The following PREX1 variants were observed in gnomAD, a reference collection of about 807,000 sequenced individuals.
PREX1 encodes phosphatidylinositol-3,4,5-trisphosphate dependent Rac exchange factor 1.
A neutral mutation model predicts 198.3 loss-of-function variants in PREX1; 41 were observed. That is an observed-to-expected ratio of 0.21 (90% CI 0.16 to 0.27). PREX1 has a LOEUF of 0.27. Among genes scored for constraint, PREX1 ranks in the 10% least tolerant of loss-of-function variants. The pLI, the probability that PREX1 is intolerant of heterozygous loss-of-function variation, is 1.00. For missense variants in PREX1, 1,620 were observed against 2,200.7 expected (o/e 0.74, Z 5.28); for synonymous variants, 843 against 887.2 (o/e 0.95, Z 0.89).
intron 1 of PREX1, among the ~76,000 whole-genome samples, chr20:48,804,841 A>C (rs1279966868): frequency 6.6e-6 from 1 of 152,286 alleles, no homozygotes; most frequent in South Asian, 2.1e-4. Flanking sequence ...AGTGGCGTCA[A>C]GATGGCCCAA....
Position 48,632,283 on chromosome 20 carries a change from T to C in PREX1, c.4520A>G (p.Lys1507Arg), listed in dbSNP as rs1451126448. The C allele has an allele frequency of 1.2e-6, 2 of 1,614,020 alleles. No individual in the cohort carries two copies. Among genetic ancestry groups the C allele is most frequent in the South Asian group, 1.1e-5 (1 of 91,088 alleles). Residue 1507 changes from lysine to arginine, a missense_variant, in exon 35 of 40, where the codon AAA (lysine) becomes AGA (arginine). Transcript: ENST00000371941. ...GGGGACCCCAGGCGGATACCTGAGT[T>C]TGCGGTAATACTGCTGAACTTTCTC... ...SLEKVQQYYR[K>R]LRAFYLERSN...
chr20:48,736,497 AAGG>A (rs1366058599), intron 3 of PREX1, among the ~76,000 whole-genome samples: 1 of 152,210 alleles, frequency 6.6e-6, no homozygotes. Context: ...CATGGCAAGG[AAGG>A]AGAAGAGGGG....
At chr20:48,862,788 AAAATAT>A in the PREX1 span, among the ~76,000 whole-genome samples, 5 of 49,820 alleles carry the variant, frequency 1.0e-4, 1 homozygote, top group African/African-American at 4.8e-4. Context: ...CCTAAAAAAA[AAAATAT>A]ATATATATAT....
chr20:48,812,434 T>A (rs937881196), intron 1 of PREX1, among the ~76,000 whole-genome samples: 2 of 149,620 alleles, frequency 1.3e-5, no homozygotes, highest in Admixed American at 6.6e-5. Flanking sequence ...AATGGGTAAA[T>A]AATGTAAGAG....
chr20:48,628,507 G>A (rs928118928), intron 37 of PREX1, among the ~76,000 whole-genome samples: 3 of 152,304 alleles, frequency 2.0e-5, no homozygotes, highest in East Asian at 1.9e-4. Flanking sequence ...GCATGGTGGT[G>A]CACAGAGGAC....
intron 32 of PREX1, among the ~76,000 whole-genome samples, chr20:48,635,923 G>A (rs763980335): frequency 1.3e-5 from 2 of 152,222 alleles, no homozygotes; most frequent in Non-Finnish European, 2.9e-5. Context: ...AGAATCAAGT[G>A]ATGGCCAATC....
At chr20:48,668,009 G>GGCCT (rs2089650867) in intron 14 of PREX1, among the ~76,000 whole-genome samples, 2 of 152,332 alleles carry the variant, frequency 1.3e-5, no homozygotes, top group South Asian at 4.1e-4. Flanking sequence ...AGGCCTCCTA[G>GGCCT]GCCTGCCCTG....
At chr20:48,698,125 C>T (rs752461219) in intron 7 of PREX1, among the ~76,000 whole-genome samples, 6 of 152,216 alleles carry the variant, frequency 3.9e-5, no homozygotes, top group Admixed American at 1.3e-4. Context: ...GAGACACATG[C>T]GCCCTTTCCC....
chr20:48,886,131 G>A, the PREX1 span, among the ~76,000 whole-genome samples: 1 of 152,198 alleles, frequency 6.6e-6, no homozygotes, highest in Non-Finnish European at 1.5e-5. Flanking sequence ...TTGTGGTGCA[G>A]GATGTCAGTA....
intron 15 of PREX1, among the ~76,000 whole-genome samples, chr20:48,660,933 C>T (rs2089585797): frequency 6.6e-6 from 1 of 152,092 alleles, no homozygotes; most frequent in South Asian, 2.1e-4. Flanking sequence ...AAACTCAGTC[C>T]CCGCAGGCCA....
chr20:48,644,647 G>A lies in PREX1; in HGVS notation c.3513-150C>T. ...GAGAGGGCACCGAGCACCGGTCCTG[G>A]GTCCCAAAGGCAGGGAAGGCCGGCC... On this transcript the variant is annotated intron_variant, in intron 26 of 39. Coordinates refer to ENST00000371941, the MANE Select transcript of PREX1 (RefSeq NM_020820.4). 3.0e-6 allele frequency: 2 copies of A among 677,660 alleles called. 1 individual carries two copies. Among genetic ancestry groups the A allele is most frequent in the East Asian group, 5.6e-5 (2 of 35,918 alleles). The allele number at this position is 677,660 out of a possible 1,614,324, so 42.0% of individuals were successfully genotyped here.
chr20:48,858,348 C>T, the PREX1 span, among the ~76,000 whole-genome samples: 1 of 152,250 alleles, frequency 6.6e-6, no homozygotes, highest in Admixed American at 6.5e-5. Flanking sequence ...CACTCAGCAT[C>T]AATCTCCTCT....
chr20:48,762,410 T>C (rs970232230), intron 1 of PREX1, among the ~76,000 whole-genome samples: 2 of 152,174 alleles, frequency 1.3e-5, no homozygotes, highest in African/African-American at 4.8e-5. Flanking sequence ...TTCCCTGCCC[T>C]CTACCCTCTA....
chr20:48,746,999 CACACACACACA>C lies in PREX1; in HGVS notation c.291+799_291+809del, dbSNP rs1568848706. ...ACACACACACACACACACACACACA[CACACACACACA>C]CCCCACCCCCAGGAGGAGCCATGCA... On this transcript the variant is annotated intron_variant, in intron 2 of 39. Transcript: ENST00000371941. Among the ~76,000 whole-genome samples the C allele has an allele frequency of 1.1e-3, 115 of 107,960 alleles. 2 individuals carry two copies. The East Asian group carries it at 0.012, about 11-fold the overall frequency. 70.8% of individuals were successfully genotyped at this position (107,960 alleles called of 152,430 possible). A position where few individuals can be genotyped will look rare whatever the true frequency, so the allele number is the denominator to read the frequency against.
At chr20:48,643,064 T>A (rs2089426251) in intron 27 of PREX1, among the ~76,000 whole-genome samples, 1 of 151,812 alleles carries the variant, frequency 6.6e-6, no homozygotes, top group African/African-American at 2.4e-5. Flanking sequence ...GAACCAAGGG[T>A]GGGGGGGAGA....
At chr20:48,626,743 C>T (rs775683597) in intron 39 of PREX1, among the ~76,000 whole-genome samples, 1 of 152,250 alleles carries the variant, frequency 6.6e-6, no homozygotes, top group Non-Finnish European at 1.5e-5. Context: ...TTACGTAAGA[C>T]GTTGCCGCTG....
At chr20:48,865,692 CCA>C in the PREX1 span, among the ~76,000 whole-genome samples, 29 of 152,120 alleles carry the variant, frequency 1.9e-4, no homozygotes, top group African/African-American at 7.0e-4. Flanking sequence ...TCTCTGTGCT[CCA>C]GTTTCCTTAA....
the PREX1 span, among the ~76,000 whole-genome samples, chr20:48,843,364 G>A: frequency 1.3e-5 from 2 of 152,164 alleles, no homozygotes; most frequent in African/African-American, 4.8e-5. Flanking sequence ...GACTCTGAAT[G>A]GCCAGGCCTG....
Position 48,827,723 on chromosome 20 carries a change from C to T in PREX1, c.138G>A (p.Gln46=). The T allele has an allele frequency of 7.4e-7, 1 of 1,348,982 alleles. No individual in the cohort carries two copies. The highest frequency in any genetic ancestry group is 1.5e-5 in the African/African-American group (1 of 65,950). The allele number at this position is 1,348,982 out of a possible 1,614,324, so 83.6% of individuals were successfully genotyped here. ...TGAGGACGCAGAGGCGGAGGCGCAG[C>T]TGGCGCTCGGACTCCCGGGCGGCCG... ...PCAAARESER[Q]LRLRLCVLNE... Residue 46 remains glutamine (Q), a synonymous_variant, in exon 1 of 40, where the codon CAG becomes CAA. Transcript: ENST00000371941. This position sits in a 1 kb window ranked among gnomAD's most constrained non-coding sequence, Gnocchi z 4.1.
Sources: gnomAD v4.1 joint callset for allele counts (sites outside exome capture counted in the v4.1 genomes callset) on GRCh38, gnomAD v4.1.1 for gene constraint, Gnocchi (gnomAD v3.1) non-coding constraint, MANE v1.5 for transcripts, NCBI Gene and HGNC (gene_info 2026-07-23, HGNC 2026-07-21) for gene names.